Variants in UTP23 observed in about 807,000 individuals in gnomAD.
UTP23 encodes the protein rRNA-processing protein UTP23 homolog.
A neutral mutation model predicts 19.8 loss-of-function variants in UTP23; 10 were observed. That is an observed-to-expected ratio of 0.50 (90% confidence interval 0.31 to 0.86). The LOEUF is 0.86. Ranked by LOEUF, UTP23 falls within the 40% of genes least tolerant of loss-of-function variation. The pLI is 0.05. For missense variants in UTP23, 282 were observed against 293.1 expected, an observed-to-expected ratio of 0.96 and a Z score of 0.28; for synonymous variants, 108 against 105.4, an observed-to-expected ratio of 1.02 and a Z score of -0.15.
Position 116,772,569 on chromosome 8 carries a change from A to C in UTP23, c.*727A>C. On this transcript the variant is annotated 3_prime_UTR_variant, in exon 3 of 3. Coordinates refer to ENST00000309822, the MANE Select transcript of UTP23 (RefSeq NM_032334.3). Reference sequence around the variant, plus strand: ...TATATGAATATTTTACTCTTTGTACATCAGAAACTCAGTATTTTCATTATT... The same window carrying C: ...TATATGAATATTTTACTCTTTGTACCTCAGAAACTCAGTATTTTCATTATT... The C allele has an allele frequency of 1.0e-6, 1 of 985,128 alleles. No homozygotes were observed. Among genetic ancestry groups the C allele is most frequent in the Non-Finnish European group, 1.2e-6 (1 of 829,640 alleles). The allele number at this position is 985,128 out of a possible 1,614,324, so 61.0% of individuals were successfully genotyped here.
intron 1 of UTP23, among the ~76,000 whole-genome samples, chr8:116,767,703 A>G (rs946329913): frequency 3.9e-5 from 6 of 152,202 alleles, no homozygotes; most frequent in Non-Finnish European, 7.3e-5. Context: ...AGGTTGCAGC[A>G]CAGAATATAT....
chr8:116,766,783 C>T lies in UTP23; in HGVS notation c.180C>T (p.Cys60=). ...ACCTCATGGGGGAGACGCAGCTGTG[C>T]ACCACAAGGTGGGCCCGGGGGGCTG... is the stretch of plus-strand genomic sequence containing the variant. ...PRYLMGETQL[C]TTRCVLKELE... is the part of the protein sequence containing the mutation. The change falls in exon 1 of 3, where the codon TGC becomes TGT. Residue 60 remains cysteine, a synonymous_variant. Coordinates refer to ENST00000309822, the MANE Select transcript of UTP23 (RefSeq NM_032334.3). 6.4e-7 allele frequency: 1 copy of T among 1,561,354 alleles called. No individual in the cohort carries two copies. The highest frequency in any genetic ancestry group is 1.4e-5 in the African/African-American group (1 of 73,574).
Position 116,773,538 on chromosome 8 carries a change from A to G in UTP23, c.*1696A>G, listed in dbSNP as rs1815686528. ...AGTAAGTTTAATATTTTGACAGGGCATGGTGGCTCACACCTGTAATCCCAG... is the reference window on the plus strand; with the variant it reads ...AGTAAGTTTAATATTTTGACAGGGCGTGGTGGCTCACACCTGTAATCCCAG... On this transcript the variant is annotated 3_prime_UTR_variant, in exon 3 of 3. Transcript: ENST00000309822. 2 of 977,620 alleles carry G rather than the reference A, an allele frequency of 2.0e-6. No homozygotes were observed. The highest frequency in any genetic ancestry group is 2.4e-6 in the Non-Finnish European group (2 of 822,844). The allele number at this position is 977,620 out of a possible 1,614,324, so 60.6% of individuals were successfully genotyped here.
chr8:116,774,042 T>C lies in UTP23; in HGVS notation c.*2200T>C. 3.0e-6 allele frequency: 3 copies of C among 985,380 alleles called. No individual in the cohort carries two copies. Among genetic ancestry groups the C allele is most frequent in the Non-Finnish European group, 3.6e-6 (3 of 829,920 alleles). 61.0% of individuals were successfully genotyped at this position (985,380 alleles called of 1,614,324 possible). A position where few individuals can be genotyped will look rare whatever the true frequency, so the allele number is the denominator to read the frequency against. On this transcript the variant is annotated 3_prime_UTR_variant, in exon 3 of 3. Coordinates refer to ENST00000309822, the MANE Select transcript of UTP23 (RefSeq NM_032334.3). ...CCATGGGAGTATGCACATGGGATCA[T>C]AATCCATTCTGTGGTTTGGAAAAAG...
In UTP23 at chr8:116,771,989, T is replaced by C; in HGVS notation, c.*147T>C. 1.5e-6 allele frequency: 2 copies of C among 1,369,702 alleles called. No individual in the cohort carries two copies. The highest frequency in any genetic ancestry group is 1.9e-6 in the Non-Finnish European group (2 of 1,068,866). 84.8% of individuals were successfully genotyped at this position (1,369,702 alleles called of 1,614,324 possible). ...ATTATAAAATAAAAACAGTGACCAG[T>C]CTAGCCAGCATGGCAAAACCCCATC... On this transcript the variant is annotated 3_prime_UTR_variant, in exon 3 of 3. Coordinates refer to ENST00000309822, the MANE Select transcript of UTP23 (RefSeq NM_032334.3).
In UTP23 at chr8:116,770,249, T is replaced by C. The variant is rs755689961; in HGVS notation, c.246T>C (p.Ile82=). The change falls in exon 2 of 3, where the codon ATT becomes ATC. Residue 82 remains isoleucine (I), a synonymous_variant. Coordinates refer to ENST00000309822, the MANE Select transcript of UTP23 (RefSeq NM_032334.3). Reference sequence around the variant, plus strand: ...AGGACTTATATGGGGCAAAACTGATTGCACAAAAATGCCAAGTTCGAAATT... The same window carrying C: ...AGGACTTATATGGGGCAAAACTGATCGCACAAAAATGCCAAGTTCGAAATT... ...LGKDLYGAKL[I]AQKCQVRNCP... is the part of the protein sequence containing the mutation. 1.2e-6 allele frequency: 2 copies of C among 1,614,060 alleles called. No individual in the cohort carries two copies. The highest frequency in any genetic ancestry group is 1.7e-6 in the Non-Finnish European group (2 of 1,179,960).
rs1815583427 is a variant in UTP23 at position 116,766,736 on chromosome 8, C to T, written c.133C>T (p.Leu45=). ...GGCGGCGCTGCGGGGCCGCATCCAG[C>T]TGCGGGAGCAGCTGCCCCGCTACCT... ...CQAALRGRIQ[L]REQLPRYLMG... is the part of the protein sequence containing the mutation. The change falls in exon 1 of 3, where the codon CTG becomes TTG. Residue 45 remains leucine (L), a synonymous_variant. Coordinates refer to ENST00000309822, the MANE Select transcript of UTP23 (RefSeq NM_032334.3). The T allele has an allele frequency of 1.2e-6, 2 of 1,605,128 alleles. No individual in the cohort carries two copies. The highest frequency in any genetic ancestry group is 4.5e-5 in the East Asian group (2 of 44,436).
rs753808369 is a variant in UTP23 at position 116,771,749 on chromosome 8, A to G, written c.657A>G (p.Ser219=). ...KKKKKAPDTQ[S]SASEKKRKRK... ...AGAAAAAGGCACCGGACACACAATC[A>G]TCTGCTTCTGAAAAGAAAAGAAAAA... The change falls in exon 3 of 3, where the codon TCA becomes TCG. Residue 219 remains serine, a synonymous_variant. Coordinates refer to ENST00000309822, the MANE Select transcript of UTP23 (RefSeq NM_032334.3). The G allele has an allele frequency of 2.5e-5, 40 of 1,610,202 alleles. No individual in the cohort carries two copies. In the African/African-American group the frequency reaches 4.9e-4, roughly 20 times the overall value.
In UTP23 at chr8:116,772,105, C is replaced by A; in HGVS notation, c.*263C>A. 9.1e-7 allele frequency: 1 copy of A among 1,093,126 alleles called. No individual in the cohort carries two copies. The highest frequency in any genetic ancestry group is 1.1e-6 in the Non-Finnish European group (1 of 897,124). The allele number at this position is 1,093,126 out of a possible 1,614,324, so 67.7% of individuals were successfully genotyped here. On this transcript the variant is annotated 3_prime_UTR_variant, in exon 3 of 3. Coordinates refer to ENST00000309822, the MANE Select transcript of UTP23 (RefSeq NM_032334.3). ...GCTGAGGCATGAGAATCGCTTGAAC[C>A]TGGGAGGCAGAGATTGCAGTGAGCC... is the stretch of plus-strand genomic sequence containing the variant.
intron 1 of UTP23, among the ~76,000 whole-genome samples, chr8:116,769,037 C>G (rs996489324): frequency 2.0e-5 from 3 of 152,096 alleles, no homozygotes; most frequent in African/African-American, 7.2e-5. Context: ...TCAGGTCATT[C>G]GTTTTTCAGT....
In UTP23 at chr8:116,772,831, T is replaced by G. The variant is rs903990236; in HGVS notation, c.*989T>G. The G allele has an allele frequency of 1.0e-6, 1 of 985,438 alleles. No individual in the cohort carries two copies. The highest frequency in any genetic ancestry group is 4.7e-5 in the South Asian group (1 of 21,286). The allele number at this position is 985,438 out of a possible 1,614,324, so 61.0% of individuals were successfully genotyped here. A position where few individuals can be genotyped will look rare whatever the true frequency, so the allele number is the denominator to read the frequency against. The stretch of plus-strand genomic sequence containing the variant: ...TCTCTGAATTCCCCCGGCAATTGTT[T>G]TAGTCATTTATCAGGCCAAAATTAA... On this transcript the variant is annotated 3_prime_UTR_variant, in exon 3 of 3. Transcript: ENST00000309822.
rs1469437485 is a variant in UTP23, at chr8:116,773,113, A to G, written c.*1271A>G. On this transcript the variant is annotated 3_prime_UTR_variant, in exon 3 of 3. Transcript: ENST00000309822. The stretch of plus-strand genomic sequence containing the variant: ...AAGTTGGAATTATAGCTTTACACCA[A>G]GGAGTGACACGTAGACTAATCTGGC... 7 of 985,344 alleles carry G rather than the reference A, an allele frequency of 7.1e-6. No homozygotes were observed. The highest frequency in any genetic ancestry group is 8.4e-6 in the Non-Finnish European group (7 of 829,934). 61.0% of individuals were successfully genotyped at this position (985,344 alleles called of 1,614,324 possible). A position where few individuals can be genotyped will look rare whatever the true frequency, so the allele number is the denominator to read the frequency against.
At position 116,771,595 on chromosome 8, in the gene UTP23, CAG is replaced by C; in HGVS notation, c.504_505del (p.Val169AlafsTer2). 1.2e-6 allele frequency: 2 copies of C among 1,612,826 alleles called. No homozygotes were observed. The highest frequency in any genetic ancestry group is 1.1e-5 in the South Asian group (1 of 90,572). ...GCAGTGGAGTCAGGTCAGCTTGTCT[CAG>C]TGCATGAGAAAGAAAGTATCAAACA... On this transcript the variant is annotated frameshift_variant, in exon 3 of 3. Transcript: ENST00000309822. LOFTEE classifies it high-confidence loss of function.
At position 116,769,328 on chromosome 8, in the gene UTP23, G is replaced by A. The variant is rs565299262; in HGVS notation, c.189-864G>A. Among the ~76,000 whole-genome samples the A allele has an allele frequency of 1.3e-3, 204 of 152,272 alleles. 1 individual carries two copies. Among genetic ancestry groups the A allele is most frequent in the African/African-American group, 4.7e-3 (196 of 41,560 alleles). Reference sequence around the variant, plus strand: ...CAAGGGTTCTCCAAAGAAACGCTACGTTACTGAGATAGATAGGTTGAGCAG... The same window carrying A: ...CAAGGGTTCTCCAAAGAAACGCTACATTACTGAGATAGATAGGTTGAGCAG... On this transcript the variant is annotated intron_variant, in intron 1 of 2. Coordinates refer to ENST00000309822, the MANE Select transcript of UTP23 (RefSeq NM_032334.3).
intron 1 of UTP23, among the ~76,000 whole-genome samples, chr8:116,769,661 T>C (rs1004747798): frequency 6.6e-6 from 1 of 152,288 alleles, no homozygotes; most frequent in Admixed American, 6.5e-5. Flanking sequence ...CTGGCTAGGG[T>C]TGAGGAACTC....
At position 116,772,463 on chromosome 8, in the gene UTP23, C is replaced by G; in HGVS notation, c.*621C>G. 1 of 961,212 alleles carries G rather than the reference C, an allele frequency of 1.0e-6. No individual in the cohort carries two copies. The highest frequency in any genetic ancestry group is 1.2e-6 in the Non-Finnish European group (1 of 807,996). 59.5% of individuals were successfully genotyped at this position (961,212 alleles called of 1,614,324 possible). A position where few individuals can be genotyped will look rare whatever the true frequency, so the allele number is the denominator to read the frequency against. On this transcript the variant is annotated 3_prime_UTR_variant, in exon 3 of 3. Transcript: ENST00000309822. ...TCCAAATTGTATGATTATACCGCTACTTTTTGATACATCAATTATTTATTG... is the reference window on the plus strand; with the variant it reads ...TCCAAATTGTATGATTATACCGCTAGTTTTTGATACATCAATTATTTATTG...
chr8:116,770,555 C>T, intron 2 of UTP23, 189 bp downstream of exon 2: 5 of 513,508 alleles, frequency 9.7e-6, no homozygotes, highest in South Asian at 4.7e-5. Flanking sequence ...TGTTGATATT[C>T]TTTTTAGTAG....
At position 116,772,339 on chromosome 8, in the gene UTP23, C is replaced by A. The variant is rs547362389; in HGVS notation, c.*497C>A. ...ATGCAAACAGTTTTAAAAAATCTTA[C>A]AGTTCTAAAAGGCTTGTGACAAAAA... On this transcript the variant is annotated 3_prime_UTR_variant, in exon 3 of 3. Transcript: ENST00000309822. The A allele has an allele frequency of 2.0e-6, 2 of 985,204 alleles. No individual in the cohort carries two copies. The highest frequency in any genetic ancestry group is 2.4e-6 in the Non-Finnish European group (2 of 829,850). 61.0% of individuals were successfully genotyped at this position (985,204 alleles called of 1,614,324 possible).
Position 116,770,008 on chromosome 8 carries a change from A to T in UTP23, c.189-184A>T, listed in dbSNP as rs1303975364. ...CATGGAACATAATAAGTGCTCAGTT[A>T]ATTTTAACTGTTGTTCTTCCTACTT... On this transcript the variant is annotated intron_variant, in intron 1 of 2. Coordinates refer to ENST00000309822, the MANE Select transcript of UTP23 (RefSeq NM_032334.3). 34 of 551,998 alleles carry T rather than the reference A, an allele frequency of 6.2e-5. No homozygotes were observed. In the East Asian group the frequency reaches 9.5e-4, roughly 15 times the overall value. 34.2% of individuals were successfully genotyped at this position (551,998 alleles called of 1,614,324 possible). A position where few individuals can be genotyped will look rare whatever the true frequency, so the allele number is the denominator to read the frequency against.
Sources: gnomAD v4.1 joint callset for allele counts (sites outside exome capture counted in the v4.1 genomes callset) on GRCh38, gnomAD v4.1.1 for gene constraint, MANE v1.5 for transcripts, NCBI Gene and HGNC (gene_info 2026-07-23, HGNC 2026-07-21) for gene names.